GAB1: variants seen among roughly 807,000 people sequenced by gnomAD.
GAB1 encodes GRB2-associated-binding protein 1.
Under a neutral mutation model 66.5 loss-of-function variants are expected in GAB1, and 19 were observed. That is an observed-to-expected ratio of 0.29 (90% CI 0.20 to 0.42). The LOEUF is 0.42. Among genes scored for constraint, GAB1 ranks in the 10% least tolerant of loss-of-function variants. The pLI is 1.00. For missense variants in GAB1, 732 were observed against 858.5 expected (o/e 0.85, Z 1.84); for synonymous variants, 294 against 301.4 (o/e 0.98, Z 0.25).
intron 4 of GAB1, 134 bp downstream of exon 4, chr4:143,438,734 T>C: frequency 1.2e-6 from 1 of 861,752 alleles, no homozygotes; most frequent in Non-Finnish European, 1.8e-6. Flanking sequence ...GCTCTACAGC[T>C]ACCTGGAAGG....
chr4:143,344,882 A>G (rs1728940041), intron 1 of GAB1, among the ~76,000 whole-genome samples: 1 of 152,238 alleles, frequency 6.6e-6, no homozygotes, highest in South Asian at 2.1e-4. Context: ...ACTATAACCT[A>G]AGAGCTTTTG....
chr4:143,338,178 G>A (rs1256303024), intron 1 of GAB1, among the ~76,000 whole-genome samples: 2 of 152,214 alleles, frequency 1.3e-5, no homozygotes, highest in African/African-American at 4.8e-5. Flanking sequence ...CTCTTCAGAG[G>A]TCTGGGATCT....
intron 1 of GAB1, among the ~76,000 whole-genome samples, chr4:143,384,992 A>C (rs762681078): frequency 1.3e-5 from 2 of 152,214 alleles, no homozygotes; most frequent in Non-Finnish European, 2.9e-5. Flanking sequence ...ACCTACAGTC[A>C]CAGAGCCATT....
chr4:143,433,752 G>A, intron 3 of GAB1, 36 bp downstream of exon 3: 1 of 1,511,004 alleles, frequency 6.6e-7, no homozygotes, highest in South Asian at 1.1e-5. Context: ...GAGAGACAGA[G>A]GCGTGTGTAT....
At chr4:143,431,226 A>G (rs1173790437) in intron 2 of GAB1, among the ~76,000 whole-genome samples, 2 of 152,234 alleles carry the variant, frequency 1.3e-5, no homozygotes, top group African/African-American at 4.8e-5. Flanking sequence ...CTAAGGCCTA[A>G]TAAACAGTTA....
At chr4:143,450,924 C>T (rs540676373) in intron 6 of GAB1, among the ~76,000 whole-genome samples, 122 of 151,638 alleles carry the variant, frequency 8.0e-4, no homozygotes, top group Non-Finnish European at 1.4e-3. Context: ...TGAGATTGAT[C>T]AGGTTAAACA....
At chr4:143,372,676 T>A (rs997496785) in intron 1 of GAB1, among the ~76,000 whole-genome samples, 1 of 152,202 alleles carries the variant, frequency 6.6e-6, no homozygotes, top group Non-Finnish European at 1.5e-5. Context: ...TGCTTTCTTA[T>A]TGTCAAGCTG....
At chr4:143,367,719 G>GTGTTTT (rs1553945119) in intron 1 of GAB1, among the ~76,000 whole-genome samples, 3 of 94,656 alleles carry the variant, frequency 3.2e-5, no homozygotes, top group African/African-American at 1.3e-4. Flanking sequence ...TCAGATGAGG[G>GTGTTTT]TTTTTTTTTT....
chr4:143,360,852 A>G (rs17738628), intron 1 of GAB1, among the ~76,000 whole-genome samples: 16,924 of 152,254 alleles, frequency 0.11, 1,139 homozygotes, highest in South Asian at 0.2. Flanking sequence ...TGACTAGGGG[A>G]AATCAAATGC....
chr4:143,426,716 A>G lies in GAB1; in HGVS notation c.368-6775A>G, dbSNP rs768710728. Among the ~76,000 whole-genome samples the G allele has an allele frequency of 9.1e-4, 139 of 152,332 alleles. No individual in the cohort carries two copies. The Middle Eastern group carries it at 0.01, about 11-fold the overall frequency. On this transcript the variant is annotated intron_variant, in intron 2 of 9. Transcript: ENST00000262994. ...TAGAGATAAACTGTCATATTTAGCC[A>G]TATTAATACATTATTATTCAGGCTT...
At chr4:143,387,204 T>C (rs1481812281) in intron 1 of GAB1, among the ~76,000 whole-genome samples, 1 of 152,196 alleles carries the variant, frequency 6.6e-6, no homozygotes, top group Non-Finnish European at 1.5e-5. Flanking sequence ...CTATCTTGGC[T>C]CATCACAACC....
chr4:143,389,870 T>C (rs982264638), intron 1 of GAB1, among the ~76,000 whole-genome samples: 1 of 152,168 alleles, frequency 6.6e-6, no homozygotes, highest in Non-Finnish European at 1.5e-5. Flanking sequence ...AAGCTTATCT[T>C]CCAGTCCCCT....
chr4:143,409,535 A>T (rs1029121449), intron 1 of GAB1, among the ~76,000 whole-genome samples: 11 of 152,284 alleles, frequency 7.2e-5, no homozygotes, highest in African/African-American at 2.6e-4. Flanking sequence ...TTAGCTTTCA[A>T]GGAGCTTAAT....
intron 1 of GAB1, among the ~76,000 whole-genome samples, chr4:143,372,695 G>A (rs1730185700): frequency 6.6e-6 from 1 of 152,210 alleles, no homozygotes; most frequent in Non-Finnish European, 1.5e-5. Flanking sequence ...TGAGCCTGGT[G>A]TATAGCATTT....
Position 143,336,969 on chromosome 4 carries a change from G to C in GAB1, c.-220G>C, listed in dbSNP as rs1728671459. On this transcript the variant is annotated 5_prime_UTR_variant, in exon 1 of 10. Coordinates refer to ENST00000262994, the MANE Select transcript of GAB1 (RefSeq NM_002039.4). ...GCACTGAAAGGAGGCCGGCGCGCCC[G>C]CGGCCCCGGCTCGCGTTCTGTTCAG... 2 of 481,350 alleles carry C rather than the reference G, an allele frequency of 4.2e-6. No homozygotes were observed. Among genetic ancestry groups the C allele is most frequent in the Admixed American group, 4.0e-5 (1 of 25,238 alleles). The allele number at this position is 481,350 out of a possible 1,614,324, so 29.8% of individuals were successfully genotyped here.
intron 6 of GAB1, chr4:143,457,835 T>G: frequency 1.1e-6 from 1 of 887,722 alleles, no homozygotes; most frequent in Non-Finnish European, 1.7e-6. Context: ...TTTTTTGTTT[T>G]TTTTCTAAAA....
intron 1 of GAB1, among the ~76,000 whole-genome samples, chr4:143,397,260 G>T (rs1731497605): frequency 1.3e-5 from 2 of 152,174 alleles, no homozygotes; most frequent in African/African-American, 4.8e-5. Flanking sequence ...ATTACACATT[G>T]TGATTAATGC....
intron 1 of GAB1, among the ~76,000 whole-genome samples, chr4:143,372,791 A>G (rs962277682): frequency 2.0e-5 from 3 of 152,160 alleles, no homozygotes; most frequent in Non-Finnish European, 4.4e-5. Context: ...AAGCCATCAT[A>G]TTTGCATGGA....
intron 1 of GAB1, among the ~76,000 whole-genome samples, chr4:143,347,540 T>C (rs1729029506): frequency 6.6e-6 from 1 of 152,176 alleles, no homozygotes; most frequent in Non-Finnish European, 1.5e-5. Context: ...GGTCCATCTC[T>C]CCCCTCCCAG....
Sources: gnomAD v4.1 joint callset for allele counts (sites outside exome capture counted in the v4.1 genomes callset) on GRCh38, gnomAD v4.1.1 for gene constraint, MANE v1.5 for transcripts, NCBI Gene and HGNC (gene_info 2026-07-23, HGNC 2026-07-21) for gene names.